Variants in FLNC observed in about 807,000 individuals in gnomAD.
FLNC encodes filamin-C.
FLNC carries 91 observed loss-of-function variants against 254.3 expected under a neutral mutation model. That is an observed-to-expected ratio of 0.36 (90% CI 0.30 to 0.43). The LOEUF is 0.43. Among genes scored for constraint, FLNC ranks in the 20% least tolerant of loss-of-function variants. The pLI is 1.00. For missense variants in FLNC, 2,853 were observed against 3,802.6 expected (o/e 0.75, Z 6.57); for synonymous variants, 1,430 against 1,577.2 (o/e 0.91, Z 2.21).
At position 128,853,611 on chromosome 7, in the gene FLNC, G is replaced by A. The variant is rs1407229447; in HGVS notation, c.6351G>A (p.Lys2117=). Residue 2117 remains lysine, a synonymous_variant, in exon 38 of 48, where the codon AAG becomes AAA. Transcript: ENST00000325888. ...TYIINIKFAD[K]HVPGSPFTVK... ...TCATCAACATCAAGTTTGCTGACAA[G>A]CACGTGCCTGGTAAGGCTCTGGGCA... 2 of 1,614,024 alleles carry A rather than the reference G, an allele frequency of 1.2e-6. No homozygotes were observed. Among genetic ancestry groups the A allele is most frequent in the Non-Finnish European group, 1.7e-6 (2 of 1,180,032 alleles).
At position 128,854,871 on chromosome 7, in the gene FLNC, A is replaced by G. The variant is rs751765487; in HGVS notation, c.7094A>G (p.Lys2365Arg). ...GCGGAGATTGCATTTGAGGATCGCA[A>G]AGATGGCTCCTGCGGCGTCTCCTAT... ...SKAEIAFEDR[K>R]DGSCGVSYVV... The change falls in exon 42 of 48, where the codon AAA becomes AGA. Residue 2365 changes from lysine (K) to arginine (R), a missense_variant. Lys to Arg is a conservative substitution (Grantham distance 26, BLOSUM62 2). This residue lies in a region of FLNC where 551 missense variants were observed against 835.0 expected (regional missense o/e 0.66). Transcript: ENST00000325888. 1.6e-5 allele frequency: 26 copies of G among 1,613,990 alleles called. No homozygotes were observed. The highest frequency in any genetic ancestry group is 2.1e-5 in the Non-Finnish European group (25 of 1,180,036).
chr7:128,834,427 A>G (rs1808015865), intron 1 of FLNC, among the ~76,000 whole-genome samples: 1 of 149,690 alleles, frequency 6.7e-6, no homozygotes, highest in Non-Finnish European at 1.5e-5. Context: ...CCAGCCTTTG[A>G]CAACATGACT....
At position 128,841,398 on chromosome 7, in the gene FLNC, G is replaced by T. The variant is rs770553180; in HGVS notation, c.2007+35G>T. On this transcript the variant is annotated intron_variant, in intron 12 of 47. Transcript: ENST00000325888. This position sits in a 1 kb window ranked among gnomAD's most constrained non-coding sequence, Gnocchi z 4.3. The stretch of plus-strand genomic sequence containing the variant: ...CAGCTCACACACACCTGCCCCGGGG[G>T]TGGGGCAAGCTGGTTCTCCTCCCCT... 13 of 1,612,926 alleles carry T rather than the reference G, an allele frequency of 8.1e-6. No individual in the cohort carries two copies. The Admixed American group carries it at 1.0e-4, about 12-fold the overall frequency.
intron 1 of FLNC, among the ~76,000 whole-genome samples, chr7:128,834,321 C>CCCCTCCG (rs1338939500): frequency 1.4e-5 from 2 of 146,824 alleles, no homozygotes; most frequent in African/African-American, 5.3e-5. Context: ...GCCCCCCCCC[C>CCCCTCCG]CCAAATCTTG....
In FLNC at chr7:128,840,648, G is replaced by A. The variant is rs754474889; in HGVS notation, c.1650G>A (p.Thr550=). ...VVPGKYVVTI[T]WGGYAIPRSP... is the part of the protein sequence containing the mutation. ...CTGGGAAGTATGTGGTGACCATCAC[G>A]TGGGGCGGCTACGCCATCCCTCGCA... The change falls in exon 10 of 48, where the codon ACG becomes ACA. Residue 550 remains threonine (T), a synonymous_variant. Coordinates refer to ENST00000325888, the MANE Select transcript of FLNC (RefSeq NM_001458.5). 1.7e-5 allele frequency: 27 copies of A among 1,614,216 alleles called. No individual in the cohort carries two copies. The highest frequency in any genetic ancestry group is 1.6e-4 in the Middle Eastern group (1 of 6,062).
In FLNC at chr7:128,856,789, T is replaced by C; in HGVS notation, c.7429T>C (p.Ser2477Pro). The C allele has an allele frequency of 1.2e-6, 2 of 1,614,082 alleles. No individual in the cohort carries two copies. The highest frequency in any genetic ancestry group is 1.7e-6 in the Non-Finnish European group (2 of 1,180,002). ...CATCCCCCACGAGAATGGCGTCCAC[T>C]CCATCGATGTCAAGTTCAACGGTGC... ...RFIPHENGVH[S>P]IDVKFNGAHI... Residue 2477 changes from serine to proline, a missense_variant, in exon 45 of 48, where the codon TCC becomes CCC. Ser to Pro is a moderately conservative substitution (Grantham distance 74). Coordinates refer to ENST00000325888, the MANE Select transcript of FLNC (RefSeq NM_001458.5). The surrounding 1 kb of genome is among the most constrained non-coding windows in gnomAD (Gnocchi z 5.9).
Position 128,835,884 on chromosome 7 carries a change from A to G in FLNC, c.601+310A>G, listed in dbSNP as rs1808077647. Among the ~76,000 whole-genome samples the G allele has an allele frequency of 1.3e-5, 2 of 152,150 alleles. No homozygotes were observed. The highest frequency in any genetic ancestry group is 4.8e-5 in the African/African-American group (2 of 41,422). On this transcript the variant is annotated intron_variant, in intron 2 of 47. Coordinates refer to ENST00000325888, the MANE Select transcript of FLNC (RefSeq NM_001458.5). The surrounding 1 kb of genome is among the most constrained non-coding windows in gnomAD (Gnocchi z 5.3). ...CACACAGCTTATCTGTGGCAGAACC[A>G]CCTAGAGCCCAGGGCCTGGACTCCC...
At position 128,850,349 on chromosome 7, in the gene FLNC, C is replaced by G. The variant is rs1277572259; in HGVS notation, c.5299-35C>G. Reference sequence around the variant, plus strand: ...GCATGGGTCAAACTCCTGGGCCTTCCCCAGTCACTGACTGTTCCCTCTCAC... The same window carrying G: ...GCATGGGTCAAACTCCTGGGCCTTCGCCAGTCACTGACTGTTCCCTCTCAC... On this transcript the variant is annotated intron_variant, in intron 31 of 47. Transcript: ENST00000325888. 3.9e-6 allele frequency: 6 copies of G among 1,551,090 alleles called. No individual in the cohort carries two copies. The Admixed American group carries it at 1.0e-4, about 26-fold the overall frequency.
chr7:128,838,415 A>T lies in FLNC; in HGVS notation c.1196A>T (p.Asp399Val). Reference sequence around the variant, plus strand: ...GTGGCCAACAAACCCACCTACTTTGACATCTACACTGCGGGTAGGACGGGC... The same window carrying T: ...GTGGCCAACAAACCCACCTACTTTGTCATCTACACTGCGGGTAGGACGGGC... ...GNVANKPTYFDIYTAGAGTGD... is the reference protein window; with the variant it reads ...GNVANKPTYFVIYTAGAGTGD... Residue 399 changes from aspartate to valine, a missense_variant, in exon 7 of 48, where the codon GAC becomes GTC. Physicochemically the swap from Asp to Val is radical, Grantham distance 152. Coordinates refer to ENST00000325888, the MANE Select transcript of FLNC (RefSeq NM_001458.5). 2 of 1,613,680 alleles carry T rather than the reference A, an allele frequency of 1.2e-6. No homozygotes were observed. Among genetic ancestry groups the T allele is most frequent in the Non-Finnish European group, 1.7e-6 (2 of 1,179,938 alleles).
chr7:128,833,458 G>A (rs1445590974), intron 1 of FLNC, among the ~76,000 whole-genome samples: 1 of 152,210 alleles, frequency 6.6e-6, no homozygotes, highest in Non-Finnish European at 1.5e-5. Context: ...CGAGAGGGAG[G>A]AGGGAGAGGG....
rs961893897 is a variant in FLNC, at chr7:128,838,080, C to T, written c.1047+16C>T. On this transcript the variant is annotated intron_variant, in intron 6 of 47. Transcript: ENST00000325888. ...GTTACACAAGGTATCTCCCTCTAGGCCCCCCTGCCTGCGCTGCTCTTCACA... is the reference window on the plus strand; with the variant it reads ...GTTACACAAGGTATCTCCCTCTAGGTCCCCCTGCCTGCGCTGCTCTTCACA... 4 of 1,601,286 alleles carry T rather than the reference C, an allele frequency of 2.5e-6. No homozygotes were observed. Among genetic ancestry groups the T allele is most frequent in the Admixed American group, 1.7e-5 (1 of 59,960 alleles).
intron 21 of FLNC, among the ~76,000 whole-genome samples, 177 bp downstream of exon 21, chr7:128,845,432 G>T (rs1373586538): frequency 6.6e-6 from 1 of 152,222 alleles, no homozygotes; most frequent in Non-Finnish European, 1.5e-5. Context: ...GAGTGGAGGG[G>T]AAGACCGGGG....
At chr7:128,848,103 G>A in intron 26 of FLNC, 35 bp downstream of exon 26, 1 of 1,576,732 alleles carries the variant, frequency 6.3e-7, no homozygotes, top group Non-Finnish European at 8.6e-7. Context: ...TGCTGCGGCT[G>A]AGCTCTGGGG....
intron 9 of FLNC, 115 bp from the exon 10 acceptor site, chr7:128,840,433 A>G (rs1324543242): frequency 2.1e-6 from 3 of 1,408,130 alleles, no homozygotes; most frequent in Middle Eastern, 1.8e-4. Context: ...ACTGCTCACT[A>G]CAGCACTGCC....
intron 2 of FLNC, 59 bp from the exon 3 acceptor site, chr7:128,837,101 C>T: frequency 8.6e-7 from 1 of 1,168,982 alleles, no homozygotes. Context: ...TGAACAAATG[C>T]CCTGCATCCT....
At chr7:128,839,979 A>C in intron 8 of FLNC, 44 bp from the exon 9 acceptor site, 1 of 1,604,176 alleles carries the variant, frequency 6.2e-7, no homozygotes, top group Non-Finnish European at 8.5e-7. Context: ...CTAGTGGTCC[A>C]AGGCCCCTCA....
At position 128,843,987 on chromosome 7, in the gene FLNC, A is replaced by G; in HGVS notation, c.2930-17A>G. ...TGGACCGGAGTCTCCTCATGGTGTC[A>G]CTTGCCCTCCACGCAGAGGTGGCTG... On this transcript the variant is annotated splice_polypyrimidine_tract_variant and intron_variant, in intron 19 of 47. Coordinates refer to ENST00000325888, the MANE Select transcript of FLNC (RefSeq NM_001458.5). 1.2e-6 allele frequency: 2 copies of G among 1,614,116 alleles called. No individual in the cohort carries two copies. Among genetic ancestry groups the G allele is most frequent in the Non-Finnish European group, 1.7e-6 (2 of 1,180,034 alleles).
Position 128,837,157 on chromosome 7 carries a change from C to T in FLNC, c.602-3C>T, listed in dbSNP as rs774453069. ...CCATCGTCTCCCTCCATCACCTCTCCAGGTCTCTGCCCCGACTGGGAGGCC... is the reference window on the plus strand; with the variant it reads ...CCATCGTCTCCCTCCATCACCTCTCTAGGTCTCTGCCCCGACTGGGAGGCC... On this transcript the variant is annotated splice_polypyrimidine_tract_variant and splice_region_variant and intron_variant, in intron 2 of 47. Coordinates refer to ENST00000325888, the MANE Select transcript of FLNC (RefSeq NM_001458.5). 3.8e-5 allele frequency: 61 copies of T among 1,593,004 alleles called. No homozygotes were observed. The highest frequency in any genetic ancestry group is 5.1e-5 in the Non-Finnish European group (60 of 1,169,480).
chr7:128,837,900 G>T, intron 5 of FLNC, 87 bp from the exon 6 acceptor site: 1 of 1,398,948 alleles, frequency 7.1e-7, no homozygotes, highest in South Asian at 1.2e-5. Flanking sequence ...CATGGGGGCT[G>T]AGTGGGGCTG....
Sources: allele counts gnomAD v4.1 joint callset (sites outside exome capture counted in the v4.1 genomes callset), GRCh38; gene constraint gnomAD v4.1.1; regional missense constraint gnomAD v4.1.1; non-coding constraint Gnocchi (gnomAD v3.1); transcripts MANE v1.5; gene names NCBI Gene and HGNC (gene_info 2026-07-23, HGNC 2026-07-21).